ABCB5: variants seen among roughly 807,000 people sequenced by gnomAD.
ABCB5 encodes ATP-binding cassette sub-family B member 5.
Under a neutral mutation model 144.2 loss-of-function variants are expected in ABCB5, and 155 were observed. That is an observed-to-expected ratio of 1.08 (90% CI 0.94 to 1.23). The LOEUF (loss-of-function observed/expected upper bound fraction) is 1.23. Among genes scored for constraint, ABCB5 ranks in the 50% most tolerant of loss-of-function variants. ABCB5 has a pLI of 0.00. For missense variants in ABCB5, 1,830 were observed against 1,520.8 expected (o/e 1.20, Z -3.38); for synonymous variants, 610 against 528.6 (o/e 1.15, Z -2.11).
intron 14 of ABCB5, among the ~76,000 whole-genome samples, chr7:20,665,120 G>A (rs1423253250): frequency 6.6e-6 from 1 of 152,154 alleles, no homozygotes; most frequent in African/African-American, 2.4e-5. Flanking sequence ...TAATTAGGTA[G>A]TACACGTGGG....
At chr7:20,668,523 C>G (rs1448235853) in intron 14 of ABCB5, among the ~76,000 whole-genome samples, 461 of 151,250 alleles carry the variant, frequency 3.0e-3, no homozygotes, top group African/African-American at 0.011. Flanking sequence ...CCCCTCCGTC[C>G]GGCAGCCACC....
At chr7:20,707,744 A>T (rs995415284) in intron 20 of ABCB5, among the ~76,000 whole-genome samples, 1 of 150,678 alleles carries the variant, frequency 6.6e-6, no homozygotes, top group African/African-American at 2.4e-5. Flanking sequence ...CCAAAAACCC[A>T]GTGAGTTTAC....
intron 14 of ABCB5, chr7:20,666,641 C>A: frequency 7.7e-7 from 1 of 1,303,756 alleles, no homozygotes; most frequent in Non-Finnish European, 1.0e-6. Context: ...AAGTAGAGAC[C>A]TGTCTTCCTG....
intron 20 of ABCB5, among the ~76,000 whole-genome samples, chr7:20,717,883 CTTTTTTTTTTTTTTTTTTTTT>C (rs574592723): frequency 4.6e-4 from 20 of 43,272 alleles, no homozygotes; most frequent in African/African-American, 1.4e-3. Context: ...TTGTAACATT[CTTTTTTTTTTTTTTTTTTTTT>C]TTTTTTTTTT....
chr7:20,653,453 T>C (rs1175757909), intron 13 of ABCB5, among the ~76,000 whole-genome samples: 1 of 152,188 alleles, frequency 6.6e-6, no homozygotes, highest in Non-Finnish European at 1.5e-5. Context: ...TATACACAGA[T>C]TTTAAAATTA....
In ABCB5 at chr7:20,645,950, G is replaced by C. The variant is rs1784395349; in HGVS notation, c.804-11G>C. 1.2e-6 allele frequency: 2 copies of C among 1,612,670 alleles called. No individual in the cohort carries two copies. The highest frequency in any genetic ancestry group is 2.7e-5 in the African/African-American group (2 of 74,904). ...CCCAGTGGCTACTAAGTTGTGTTCT[G>C]TTTTTGTAAGGTATACACAGAATCT... On this transcript the variant is annotated splice_polypyrimidine_tract_variant and intron_variant, in intron 8 of 27. Coordinates refer to ENST00000404938, the MANE Select transcript of ABCB5 (RefSeq NM_001163941.2).
At chr7:20,659,938 C>A in intron 14 of ABCB5, 11 of 976,940 alleles carry the variant, frequency 1.1e-5, no homozygotes, top group Non-Finnish European at 1.3e-5. Flanking sequence ...CCCACCTCGG[C>A]CTCCCAAAGT....
intron 9 of ABCB5, among the ~76,000 whole-genome samples, chr7:20,646,706 C>T (rs1784420075): frequency 6.6e-6 from 1 of 152,182 alleles, no homozygotes; most frequent in African/African-American, 2.4e-5. Flanking sequence ...ATAAACAGAT[C>T]AGTTCAGGAT....
intron 10 of ABCB5, 97 bp downstream of exon 10, chr7:20,647,745 C>G (rs1212119067): frequency 6.7e-7 from 1 of 1,489,864 alleles, no homozygotes; most frequent in Non-Finnish European, 9.0e-7. Flanking sequence ...ATAGGATGGA[C>G]AAATTTAATG....
intron 14 of ABCB5, among the ~76,000 whole-genome samples, chr7:20,662,617 T>C (rs1785039059): frequency 6.6e-6 from 1 of 152,178 alleles, no homozygotes; most frequent in South Asian, 2.1e-4. Flanking sequence ...TCCAAGGGAA[T>C]TTCCTTGGCT....
At chr7:20,752,250 G>A (rs893927337) in intron 26 of ABCB5, among the ~76,000 whole-genome samples, 8 of 152,308 alleles carry the variant, frequency 5.3e-5, no homozygotes, top group African/African-American at 1.9e-4. Flanking sequence ...GGTACCAAGG[G>A]CTTATGTTTC....
At chr7:20,681,696 A>T in intron 15 of ABCB5, 30 bp downstream of exon 15, 4 of 1,604,732 alleles carry the variant, frequency 2.5e-6, no homozygotes, top group Non-Finnish European at 3.4e-6. Context: ...ATGCTATGTC[A>T]GCAGGGTTTA....
intron 26 of ABCB5, among the ~76,000 whole-genome samples, chr7:20,751,106 C>T (rs1051928146): frequency 6.6e-6 from 1 of 152,144 alleles, no homozygotes; most frequent in Non-Finnish European, 1.5e-5. Flanking sequence ...CCCTCTGGGA[C>T]ACAACTGACT....
chr7:20,696,633 T>C (rs1786424576), intron 16 of ABCB5, among the ~76,000 whole-genome samples: 1 of 152,144 alleles, frequency 6.6e-6, no homozygotes, highest in Non-Finnish European at 1.5e-5. Flanking sequence ...AAATGAAATT[T>C]AGAATATTTT....
chr7:20,753,899 T>A (rs1165854239), intron 27 of ABCB5, among the ~76,000 whole-genome samples: 1 of 152,220 alleles, frequency 6.6e-6, no homozygotes, highest in Non-Finnish European at 1.5e-5. Flanking sequence ...CACTGCAGGG[T>A]CAGAGCCTGA....
At chr7:20,629,145 C>CGTGT (rs149986314) in intron 4 of ABCB5, among the ~76,000 whole-genome samples, 13,818 of 135,020 alleles carry the variant, frequency 0.1, 776 homozygotes, top group Middle Eastern at 0.17. Flanking sequence ...AGAGAGACTG[C>CGTGT]GTGTGTGTGT....
At chr7:20,745,590 C>A (rs563008332) in intron 26 of ABCB5, 152 bp downstream of exon 26, 4 of 820,854 alleles carry the variant, frequency 4.9e-6, no homozygotes, top group Non-Finnish European at 7.4e-6. Flanking sequence ...AAGTCAGATG[C>A]GAAAAACCAA....
At chr7:20,710,394 C>G (rs1434331691) in intron 20 of ABCB5, among the ~76,000 whole-genome samples, 9 of 87,968 alleles carry the variant, frequency 1.0e-4, no homozygotes, top group African/African-American at 1.3e-4. Context: ...GGGGGGGGGG[C>G]ATGACTGTGT....
Position 20,643,282 on chromosome 7 carries a change from G to A in ABCB5, c.413G>A (p.Arg138Lys), listed in dbSNP as rs766371098. 11 of 1,613,780 alleles carry A rather than the reference G, an allele frequency of 6.8e-6. No individual in the cohort carries two copies. The highest frequency in any genetic ancestry group is 1.6e-4 in the Middle Eastern group (1 of 6,084). The change falls in exon 6 of 28, where the codon AGG becomes AAG. Residue 138 changes from arginine (R) to lysine (K), a missense_variant. Transcript: ENST00000404938. ...ATAACTGCAGCACGACAGACCAAGAGGATTCGAAAACAGTTTTTTCATTCA... is the reference window on the plus strand; with the variant it reads ...ATAACTGCAGCACGACAGACCAAGAAGATTCGAAAACAGTTTTTTCATTCA... ...WIITAARQTK[R>K]IRKQFFHSVL...
Sources: gnomAD v4.1 joint callset for allele counts (sites outside exome capture counted in the v4.1 genomes callset) on GRCh38, gnomAD v4.1.1 for gene constraint, MANE v1.5 for transcripts, NCBI Gene and HGNC (gene_info 2026-07-23, HGNC 2026-07-21) for gene names.